Variants in LAMA2 observed in about 807,000 individuals in gnomAD.
The protein encoded by LAMA2 is laminin subunit alpha-2.
LAMA2 carries 269 observed loss-of-function variants against 364.8 expected under a neutral mutation model. The ratio of observed to expected loss-of-function variants is 0.74; its 90% confidence interval spans 0.67 to 0.82. The LOEUF (loss-of-function observed/expected upper bound fraction) is 0.82, where lower values mean the gene tolerates loss of function less well. Among genes scored for constraint, LAMA2 ranks in the 40% least tolerant of loss-of-function variants. The pLI is 0.00. For missense variants in LAMA2, 3,807 were observed against 3,873.2 expected, an observed-to-expected ratio of 0.98 and a Z score of 0.45; for synonymous variants, 1,379 against 1,370.6, an observed-to-expected ratio of 1.01 and a Z score of -0.14.
At chr6:129,508,124 C>T (rs543931908) in intron 62 of LAMA2, among the ~76,000 whole-genome samples, 16 of 152,314 alleles carry the variant, frequency 1.1e-4, no homozygotes, top group Admixed American at 2.6e-4. Flanking sequence ...TTCTCCACTC[C>T]GTTTCTAATG....
chr6:129,380,267 T>C (rs1233418456), intron 34 of LAMA2, among the ~76,000 whole-genome samples: 2 of 152,168 alleles, frequency 1.3e-5, no homozygotes, highest in Admixed American at 1.3e-4. Context: ...CAAAATCTTT[T>C]TTTGAGAATG....
At chr6:129,253,628 A>G (rs1233030621) in intron 14 of LAMA2, among the ~76,000 whole-genome samples, 1 of 152,252 alleles carries the variant, frequency 6.6e-6, no homozygotes, top group Non-Finnish European at 1.5e-5. Context: ...ATGTTTAAAC[A>G]GTACAAAGAA....
chr6:129,165,613 A>T lies in LAMA2; in HGVS notation c.1244A>T (p.His415Leu), dbSNP rs1779699940. The T allele has an allele frequency of 6.2e-7, 1 of 1,613,202 alleles. No homozygotes were observed. Among genetic ancestry groups the T allele is most frequent in the Non-Finnish European group, 8.5e-7 (1 of 1,179,518 alleles). Residue 415 changes from histidine (H) to leucine (L), a missense_variant, in exon 9 of 65, where the codon CAT (histidine) becomes CTT (leucine). Around this residue, in one of 3 missense-constraint regions of LAMA2, gnomAD observed 80 missense variants for 124.0 expected, o/e 0.65. Coordinates refer to ENST00000421865, the MANE Select transcript of LAMA2 (RefSeq NM_000426.4). ...PNYPRPCQPC[H>L]CDPIGSLNEV... ...TATCCAAGGCCATGCCAGCCATGTC[A>T]TTGCGATCCAATTGGTTCCTTAAAT...
At chr6:129,209,031 G>T (rs1782910109) in intron 12 of LAMA2, among the ~76,000 whole-genome samples, 1 of 152,022 alleles carries the variant, frequency 6.6e-6, no homozygotes, top group African/African-American at 2.4e-5. Context: ...AATGGAACTG[G>T]AAATAACCCA....
At chr6:129,409,984 A>G (rs1780444698) in intron 40 of LAMA2, among the ~76,000 whole-genome samples, 1 of 152,178 alleles carries the variant, frequency 6.6e-6, no homozygotes, top group Middle Eastern at 3.2e-3. Flanking sequence ...GACTCCTTGG[A>G]ATGACCACCA....
At position 129,280,081 on chromosome 6, in the gene LAMA2, T is replaced by C; in HGVS notation, c.2471T>C (p.Leu824Ser). ...PSNNFSPTCH[L>S]DRSLGLICDG... ...CATAGCTTTAGCCCAACGTGCCATT[T>C]AGACCGGAGTCTTGGATTGATCTGT... Residue 824 changes from leucine (L) to serine (S), a missense_variant, in exon 18 of 65, where the codon TTA (leucine) becomes TCA (serine). This residue lies in a region of LAMA2 where 3,333 missense variants were observed against 3,345.7 expected (regional missense o/e 1.00). Coordinates refer to ENST00000421865, the MANE Select transcript of LAMA2 (RefSeq NM_000426.4). The C allele has an allele frequency of 6.2e-7, 1 of 1,613,328 alleles. No homozygotes were observed. Among genetic ancestry groups the C allele is most frequent in the Non-Finnish European group, 8.5e-7 (1 of 1,179,422 alleles).
chr6:129,502,650 A>G lies in LAMA2; in HGVS notation c.8245-9A>G, dbSNP rs764930577. The G allele has an allele frequency of 6.3e-7, 1 of 1,590,218 alleles. No homozygotes were observed. Among genetic ancestry groups the G allele is most frequent in the Non-Finnish European group, 8.6e-7 (1 of 1,158,338 alleles). ...AATCTCCTGTTTTTCTCTCCTGGGTATTTTACAGGGTCCTTGTGCTGCAGA... is the reference window on the plus strand; with the variant it reads ...AATCTCCTGTTTTTCTCTCCTGGGTGTTTTACAGGGTCCTTGTGCTGCAGA... On this transcript the variant is annotated splice_polypyrimidine_tract_variant and intron_variant, in intron 58 of 64. Coordinates refer to ENST00000421865, the MANE Select transcript of LAMA2 (RefSeq NM_000426.4).
At chr6:129,244,098 C>T (rs558118146) in intron 12 of LAMA2, among the ~76,000 whole-genome samples, 5 of 152,096 alleles carry the variant, frequency 3.3e-5, no homozygotes, top group African/African-American at 9.6e-5. Flanking sequence ...TGTCTCTGTT[C>T]GACACCTACA....
intron 1 of LAMA2, among the ~76,000 whole-genome samples, chr6:128,995,051 A>G (rs1783844555): frequency 6.6e-6 from 1 of 152,170 alleles, no homozygotes; most frequent in South Asian, 2.1e-4. Context: ...CATAGTAACA[A>G]CAATTTAATT....
At chr6:129,102,130 C>CTTTTTTTT (rs10713380) in intron 4 of LAMA2, among the ~76,000 whole-genome samples, 2 of 130,358 alleles carry the variant, frequency 1.5e-5, no homozygotes, top group African/African-American at 6.2e-5. Context: ...TTCTTTCTTT[C>CTTTTTTTT]TTTTTTTTTT....
chr6:129,272,708 C>T (rs541311270), intron 17 of LAMA2, among the ~76,000 whole-genome samples: 123 of 152,188 alleles, frequency 8.1e-4, no homozygotes, highest in Middle Eastern at 3.4e-3. Flanking sequence ...TGTTAGGAAC[C>T]GGGCTGCCTA....
chr6:128,946,298 C>A (rs995370370), intron 1 of LAMA2, among the ~76,000 whole-genome samples: 2 of 152,142 alleles, frequency 1.3e-5, no homozygotes, highest in African/African-American at 4.8e-5. Flanking sequence ...CATAGTTTAG[C>A]CTAGCCTACC....
chr6:129,286,537 A>T (rs1789140736), intron 18 of LAMA2, among the ~76,000 whole-genome samples: 1 of 107,034 alleles, frequency 9.3e-6, no homozygotes, highest in African/African-American at 3.6e-5. Flanking sequence ...TTTTCCAATA[A>T]TATAATATAT....
At chr6:129,219,243 C>T (rs1783630396) in intron 12 of LAMA2, among the ~76,000 whole-genome samples, 1 of 152,130 alleles carries the variant, frequency 6.6e-6, no homozygotes, top group African/African-American at 2.4e-5. Context: ...CCATCACTGG[C>T]CATCAGAGAA....
intron 12 of LAMA2, among the ~76,000 whole-genome samples, chr6:129,240,053 G>A (rs181809947): frequency 2.6e-4 from 40 of 152,306 alleles, no homozygotes; most frequent in South Asian, 8.3e-4. Flanking sequence ...CCGAGAGCCC[G>A]TGGCAAATTA....
chr6:129,475,451 A>T, intron 53 of LAMA2, 50 bp downstream of exon 53: 1 of 1,460,270 alleles, frequency 6.8e-7, no homozygotes, highest in Non-Finnish European at 9.5e-7. Context: ...GGTTGGGTAA[A>T]TGTGGCTTCT....
At chr6:129,178,004 C>CT in intron 10 of LAMA2, 138 bp downstream of exon 10, 1 of 872,644 alleles carries the variant, frequency 1.1e-6, no homozygotes, top group African/African-American at 1.7e-5. Context: ...TGTGGTGACC[C>CT]ACCAGGTTCA....
At chr6:128,946,388 T>C (rs1780486912) in intron 1 of LAMA2, among the ~76,000 whole-genome samples, 2 of 152,204 alleles carry the variant, frequency 1.3e-5, no homozygotes, top group South Asian at 4.1e-4. Context: ...GGAATATTGT[T>C]GGTTCACCCT....
At chr6:128,894,849 C>T (rs1201763900) in intron 1 of LAMA2, among the ~76,000 whole-genome samples, 1 of 152,148 alleles carries the variant, frequency 6.6e-6, no homozygotes, top group Non-Finnish European at 1.5e-5. Context: ...GCTTTTGCAC[C>T]ATCAGTGCAC....
Sources: gnomAD v4.1 joint callset for allele counts (sites outside exome capture counted in the v4.1 genomes callset) on GRCh38, gnomAD v4.1.1 for gene constraint, gnomAD v4.1.1 regional missense constraint, MANE v1.5 for transcripts, NCBI Gene and HGNC (gene_info 2026-07-23, HGNC 2026-07-21) for gene names.